SDHA: variants seen among roughly 807,000 people sequenced by gnomAD.
SDHA encodes the protein succinate dehydrogenase complex flavoprotein subunit A.
SDHA carries 48 observed loss-of-function variants against 78.4 expected under a neutral mutation model. That is an observed-to-expected ratio of 0.61 (90% CI 0.49 to 0.78). SDHA has a LOEUF of 0.78. SDHA is among the 30% of genes least tolerant of loss of function. SDHA has a pLI of 0.00. For missense variants in SDHA, 680 were observed against 892.7 expected (o/e 0.76, Z 3.04); for synonymous variants, 326 against 353.9 (o/e 0.92, Z 0.88).
In SDHA at chr5:256,429, G is replaced by T; in HGVS notation, c.*9G>T. ...CCATTCGCTCCTACTGATGAGACAA[G>T]ATGTGGTGATGACAGAATCAGCTTT... On this transcript the variant is annotated 3_prime_UTR_variant, in exon 15 of 15. Coordinates refer to ENST00000264932, the MANE Select transcript of SDHA (RefSeq NM_004168.4). 6.3e-7 allele frequency: 1 copy of T among 1,599,684 alleles called. No individual in the cohort carries two copies. Among genetic ancestry groups the T allele is most frequent in the Non-Finnish European group, 8.6e-7 (1 of 1,167,074 alleles).
chr5:235,116 C>T (rs1235126337), intron 8 of SDHA, 28 bp from the exon 9 acceptor site: 5 of 1,609,772 alleles, frequency 3.1e-6, no homozygotes, highest in East Asian at 2.2e-5. Flanking sequence ...CGTTCTCTGC[C>T]GTATGTGATG....
At chr5:244,137 C>T (rs60025916) in intron 11 of SDHA, among the ~76,000 whole-genome samples, 35,785 of 151,462 alleles carry the variant, frequency 0.24, 6,195 homozygotes, top group African/African-American at 0.51. Context: ...GGGGCATTTC[C>T]GGCTCAGGCC....
intron 11 of SDHA, among the ~76,000 whole-genome samples, chr5:240,735 G>A (rs1308922377): frequency 6.6e-6 from 1 of 151,858 alleles, no homozygotes; most frequent in Non-Finnish European, 1.5e-5. Flanking sequence ...GTGTCCATGT[G>A]TACTCACCAT....
the SDHA span, among the ~76,000 whole-genome samples, chr5:263,326 A>C: frequency 6.6e-6 from 1 of 152,114 alleles, no homozygotes; most frequent in African/African-American, 2.4e-5. Flanking sequence ...CCAGAGAACA[A>C]CACATCACAC....
At chr5:242,064 G>A (rs13155531) in intron 11 of SDHA, among the ~76,000 whole-genome samples, 55,270 of 152,222 alleles carry the variant, frequency 0.36, 12,466 homozygotes, top group South Asian at 0.5. Context: ...CAGGCTCCAC[G>A]AGATGCTGGA....
chr5:242,966 C>T (rs1736236623), intron 11 of SDHA, among the ~76,000 whole-genome samples: 1 of 152,188 alleles, frequency 6.6e-6, no homozygotes, highest in African/African-American at 2.4e-5. Context: ...TACCCTTCTG[C>T]ACCCCCTCCT....
intron 11 of SDHA, among the ~76,000 whole-genome samples, chr5:242,395 T>G (rs1353741038): frequency 2.6e-5 from 4 of 152,230 alleles, no homozygotes; most frequent in African/African-American, 9.7e-5. Flanking sequence ...ATGAGCGATC[T>G]GTGCCTTAAG....
Position 218,391 on chromosome 5 carries a change from C to G in SDHA, c.36C>G (p.Ser12Arg). ...TCCGGGGCCTGTCGCGGCTGCTGAG[C>G]GCTCGGCGCCTGGCGCTGGCCAAGG... ...SGVRGLSRLL[S>R]ARRLALAKAW... Residue 12 changes from serine (S) to arginine (R), a missense_variant, in exon 1 of 15, where the codon AGC becomes AGG. By Grantham distance (110) the Ser-to-Arg change is moderately radical (BLOSUM62 -1). Coordinates refer to ENST00000264932, the MANE Select transcript of SDHA (RefSeq NM_004168.4). 1 of 1,450,364 alleles carries G rather than the reference C, an allele frequency of 6.9e-7. No individual in the cohort carries two copies. The allele number at this position is 1,450,364 out of a possible 1,614,324, so 89.8% of individuals were successfully genotyped here.
intron 1 of SDHA, among the ~76,000 whole-genome samples, chr5:221,414 G>T (rs1426140887): frequency 6.6e-6 from 1 of 152,100 alleles, no homozygotes; most frequent in East Asian, 1.9e-4. Flanking sequence ...TAGGTTCTTC[G>T]TTGGCTGCTT....
intron 8 of SDHA, chr5:234,157 C>A (rs1026081066): frequency 5.6e-6 from 1 of 178,552 alleles, no homozygotes; most frequent in African/African-American, 2.4e-5. Context: ...CAGTGGCTCA[C>A]GCCTGTAATC....
At chr5:234,917 AG>A in intron 8 of SDHA, 1 of 597,490 alleles carries the variant, frequency 1.7e-6, no homozygotes. Flanking sequence ...GAGTTTAGTG[AG>A]GGCAGAGTTT....
chr5:251,843 A>T lies in SDHA; in HGVS notation c.1794+375A>T, dbSNP rs1295154121. The T allele has an allele frequency of 3.6e-6, 3 of 824,060 alleles. No homozygotes were observed. The African/African-American group carries it at 5.6e-5, about 15-fold the overall frequency. 51.0% of individuals were successfully genotyped at this position (824,060 alleles called of 1,614,324 possible). A position where few individuals can be genotyped will look rare whatever the true frequency, so the allele number is the denominator to read the frequency against. ...TGTGGAGGAAATGCCAGTTTATTAA[A>T]TAACGAGTAAGCCACCGTTTCAAAC... is the stretch of plus-strand genomic sequence containing the variant. On this transcript the variant is annotated intron_variant, in intron 13 of 14. Transcript: ENST00000264932.
chr5:227,609 A>G (rs73730773), intron 5 of SDHA: 37,132 of 175,572 alleles, frequency 0.21, 6,580 homozygotes, highest in African/African-American at 0.52. Context: ...CCAGGCTTAC[A>G]AGAGCGACTT....
chr5:259,398 C>A, downstream of SDHA, among the ~76,000 whole-genome samples: 1 of 66,148 alleles, frequency 1.5e-5, no homozygotes, highest in East Asian at 3.1e-4. Flanking sequence ...GTGTGAGCTC[C>A]GCCTCCCGTC....
chr5:233,460 T>G lies in SDHA; in HGVS notation c.896-17T>G. 6.2e-7 allele frequency: 1 copy of G among 1,613,130 alleles called. No homozygotes were observed. On this transcript the variant is annotated splice_polypyrimidine_tract_variant and intron_variant, in intron 7 of 14. Coordinates refer to ENST00000264932, the MANE Select transcript of SDHA (RefSeq NM_004168.4). ...TCTAGCAATTGTTAGGTAATAAATA[T>G]GTGTGGTTTTTTGCAGGCATATATG...
chr5:229,848 T>C (rs1314547674), intron 6 of SDHA, among the ~76,000 whole-genome samples: 1 of 121,648 alleles, frequency 8.2e-6, no homozygotes, highest in South Asian at 2.1e-4. Context: ...GCATGCTGGC[T>C]ATCGTTAACA....
In SDHA at chr5:233,618, C is replaced by T. The variant is rs1041948; in HGVS notation, c.1037C>T (p.Ser346Phe). ...DLASRDVVSR[S>F]MTLEIREGRG... ...GCGTCTAGAGATGTGGTGTCTCGGT[C>T]CATGACTCTGGAGATCCGAGAAGGA... The change falls in exon 8 of 15, where the codon TCC becomes TTC. Residue 346 changes from serine (S) to phenylalanine (F), a missense_variant. Coordinates refer to ENST00000264932, the MANE Select transcript of SDHA (RefSeq NM_004168.4). The T allele has an allele frequency of 1.2e-6, 2 of 1,614,076 alleles. No homozygotes were observed. The highest frequency in any genetic ancestry group is 8.5e-7 in the Non-Finnish European group (1 of 1,179,964).
chr5:254,446 G>A lies in SDHA; in HGVS notation c.1848G>A (p.Lys616=), dbSNP rs1189442479. The A allele has an allele frequency of 5.0e-6, 8 of 1,599,280 alleles. No homozygotes were observed. Among genetic ancestry groups the A allele is most frequent in the Non-Finnish European group, 6.8e-6 (8 of 1,173,228 alleles). The part of the protein sequence containing the change: ...YSKPIQGQQK[K]PFEEHWRKHT... ...AGCCCATCCAGGGGCAACAGAAGAA[G>A]CCCTTTGAGGAGCACTGGAGGAAGC... Residue 616 remains lysine (K), a synonymous_variant, in exon 14 of 15, where the codon AAG becomes AAA. Transcript: ENST00000264932.
intron 6 of SDHA, among the ~76,000 whole-genome samples, 173 bp downstream of exon 6, chr5:228,506 G>A (rs1429876202): frequency 6.6e-6 from 1 of 152,146 alleles, no homozygotes; most frequent in African/African-American, 2.4e-5. Context: ...ACCTGTAAAG[G>A]GTGAGGACAG....
Sources: gnomAD v4.1 joint callset for allele counts (sites outside exome capture counted in the v4.1 genomes callset) on GRCh38, gnomAD v4.1.1 for gene constraint, MANE v1.5 for transcripts, NCBI Gene and HGNC (gene_info 2026-07-23, HGNC 2026-07-21) for gene names.